The following KCNMB3 variants were observed in gnomAD, a reference collection of about 807,000 sequenced individuals.
KCNMB3 encodes the protein calcium-activated potassium channel subunit beta-3.
Under a neutral mutation model 11.9 loss-of-function variants are expected in KCNMB3, and 18 were observed. That is an observed-to-expected ratio of 1.51 (90% CI 1.04 to 2.23). KCNMB3 has a LOEUF of 2.23. KCNMB3 is among the 30% of genes most tolerant of loss of function. KCNMB3 has a pLI of 0.00. For missense variants in KCNMB3, 247 were observed against 329.4 expected (o/e 0.75, Z 1.94); for synonymous variants, 78 against 119.2 (o/e 0.65, Z 2.25).
At chr3:179,264,555 G>A (rs1297904191) in intron 1 of KCNMB3, among the ~76,000 whole-genome samples, 1 of 152,180 alleles carries the variant, frequency 6.6e-6, no homozygotes, top group Non-Finnish European at 1.5e-5. Flanking sequence ...CTTCACTGCA[G>A]ATAGGACTGA....
chr3:179,253,676 T>C (rs1205642473), upstream of KCNMB3, among the ~76,000 whole-genome samples: 1 of 151,992 alleles, frequency 6.6e-6, no homozygotes, highest in Non-Finnish European at 1.5e-5. Context: ...CACGGTGGCA[T>C]GCGCCTGTAA....
chr3:179,266,539 C>T (rs1726373665), intron 1 of KCNMB3: 1 of 1,302,362 alleles, frequency 7.7e-7, no homozygotes, highest in South Asian at 1.4e-5. Flanking sequence ...AGTGGGCATC[C>T]TCAGAGAAAA....
intron 1 of KCNMB3, chr3:179,260,387 A>T (rs1726164891): frequency 6.2e-7 from 1 of 1,613,926 alleles, no homozygotes; most frequent in Non-Finnish European, 8.5e-7. Flanking sequence ...CAGTGTCTTC[A>T]GAGGATTTCT....
At chr3:179,261,304 G>A in intron 1 of KCNMB3, 1 of 1,265,972 alleles carries the variant, frequency 7.9e-7, no homozygotes, top group Non-Finnish European at 1.0e-6. Flanking sequence ...CCACCCGGCG[G>A]GAAACGCTCG....
chr3:179,259,695 G>A, intron 1 of KCNMB3: 2 of 1,593,330 alleles, frequency 1.3e-6, no homozygotes, highest in Non-Finnish European at 1.7e-6. Context: ...GGTTTCTATG[G>A]GTACTGGGGA....
intron 1 of KCNMB3, among the ~76,000 whole-genome samples, chr3:179,262,148 A>G (rs948179037): frequency 1.3e-5 from 2 of 152,250 alleles, no homozygotes; most frequent in Non-Finnish European, 1.5e-5. Context: ...AGTAATTTAG[A>G]TAGCTTGACC....
In KCNMB3 at chr3:179,260,564, TC is replaced by T. The variant is rs1195469645; in HGVS notation, c.62+6084del. ...CCTCACTGGCTTTCCTAGGGTCCCA[TC>T]CCCTGTCGACTTGAGGGCATTTAAC... On this transcript the variant is annotated intron_variant, in intron 1 of 3. Transcript: ENST00000349697. 3 of 1,579,102 alleles carry T rather than the reference TC, an allele frequency of 1.9e-6. No homozygotes were observed. The African/African-American group carries it at 4.1e-5, about 21-fold the overall frequency.
At chr3:179,241,987 GA>G (rs1334733411), downstream of KCNMB3, 1 of 154,144 alleles carries the variant, frequency 6.5e-6, no homozygotes, top group Non-Finnish European at 1.5e-5. Flanking sequence ...TAATTAACTA[GA>G]AAAATGTTAC....
At chr3:179,263,932 A>C (rs1726302381) in intron 1 of KCNMB3, among the ~76,000 whole-genome samples, 1 of 148,378 alleles carries the variant, frequency 6.7e-6, no homozygotes. Context: ...CAGCCTCCCA[A>C]GTAGCTGGGA....
At chr3:179,246,206 G>A (rs2108441298) in intron 1 of KCNMB3, among the ~76,000 whole-genome samples, 1 of 152,328 alleles carries the variant, frequency 6.6e-6, no homozygotes, top group South Asian at 2.1e-4. Flanking sequence ...GAGGCCAGGA[G>A]TTTGAGACCA....
chr3:179,262,228 A>C (rs1194451455), intron 1 of KCNMB3, among the ~76,000 whole-genome samples: 1 of 152,248 alleles, frequency 6.6e-6, no homozygotes, highest in Non-Finnish European at 1.5e-5. Flanking sequence ...ATAAATATAG[A>C]ATACTCACTT....
intron 1 of KCNMB3, among the ~76,000 whole-genome samples, chr3:179,266,492 C>CT (rs1431433581): frequency 6.6e-6 from 1 of 152,192 alleles, no homozygotes; most frequent in Non-Finnish European, 1.5e-5. Flanking sequence ...GTGAGTGCTA[C>CT]TGGGGAAGCC....
chr3:179,250,714 A>G, intron 1 of KCNMB3, 29 bp downstream of exon 1: 1 of 1,609,988 alleles, frequency 6.2e-7, no homozygotes. Flanking sequence ...TGAATTGGAA[A>G]CTCTAGATTT....
At chr3:179,254,706 G>A (rs552300618), upstream of KCNMB3, among the ~76,000 whole-genome samples, 15 of 152,240 alleles carry the variant, frequency 9.9e-5, no homozygotes, top group South Asian at 6.2e-4. Context: ...TAGCTGCTGC[G>A]GCAGGAGAAT....
intron 1 of KCNMB3, among the ~76,000 whole-genome samples, chr3:179,246,076 T>C (rs1725633054): frequency 6.6e-6 from 1 of 152,240 alleles, no homozygotes; most frequent in Non-Finnish European, 1.5e-5. Flanking sequence ...ACCGGTTCCT[T>C]AAACATAATA....
At chr3:179,246,148 A>G (rs1253420752) in intron 1 of KCNMB3, among the ~76,000 whole-genome samples, 1 of 151,600 alleles carries the variant, frequency 6.6e-6, no homozygotes, top group African/African-American at 2.4e-5. Flanking sequence ...GCAGTGGCTC[A>G]TGCCTATAAT....
rs1477298118 is a variant in KCNMB3, at chr3:179,260,978, G to T, written c.62+5671C>A. 6 of 997,728 alleles carry T rather than the reference G, an allele frequency of 6.0e-6. No homozygotes were observed. The Admixed American group carries it at 1.2e-4, about 19-fold the overall frequency. The allele number at this position is 997,728 out of a possible 1,614,324, so 61.8% of individuals were successfully genotyped here. ...AGAGTCCTTGATTTCCCTGATGGAC[G>T]CCTCGGTGTCGATGGATATAGAGGT... On this transcript the variant is annotated intron_variant, in intron 1 of 3. Coordinates refer to the KCNMB3 transcript ENST00000349697.
chr3:179,257,863 A>AG (rs1193846329), intron 1 of KCNMB3, among the ~76,000 whole-genome samples: 7 of 123,884 alleles, frequency 5.7e-5, no homozygotes, highest in African/African-American at 2.1e-4. Context: ...CAGGCATGAA[A>AG]ACATTGTTTT....
exon 1 of KCNMB3, chr3:179,266,763 G>A (rs1035344023): frequency 1.3e-5 from 21 of 1,606,598 alleles, no homozygotes; most frequent in African/African-American, 4.0e-5. Flanking sequence ...ATGCCCCTGC[G>A]GGCGCAAGAA....
Sources: allele counts gnomAD v4.1 joint callset (sites outside exome capture counted in the v4.1 genomes callset), GRCh38; gene constraint gnomAD v4.1.1; transcripts MANE v1.5; gene names NCBI Gene and HGNC (gene_info 2026-07-23, HGNC 2026-07-21).